The following KALRN variants were observed in gnomAD, a reference collection of about 807,000 sequenced individuals.
KALRN encodes kalirin RhoGEF kinase, also known as kalirin.
Under a neutral mutation model 353.7 loss-of-function variants are expected in KALRN, and 70 were observed. The observed-to-expected ratio is 0.20, with a 90% confidence interval of 0.16 to 0.24. The LOEUF (loss-of-function observed/expected upper bound fraction) is 0.24. KALRN is among the 10% of genes least tolerant of loss of function. The pLI is 1.00. For synonymous variants in KALRN, 1,391 were observed against 1,434.8 expected (o/e 0.97, Z 0.69); for missense variants, 2,791 against 3,756.7 (o/e 0.74, Z 6.72).
At chr3:124,307,940 T>C (rs913833889) in intron 6 of KALRN, among the ~76,000 whole-genome samples, 4 of 151,896 alleles carry the variant, frequency 2.6e-5, no homozygotes, top group South Asian at 2.1e-4. Context: ...TTCAAAGATA[T>C]AAATAGATGG....
intron 33 of KALRN, among the ~76,000 whole-genome samples, chr3:124,560,632 C>A (rs549450087): frequency 6.6e-6 from 1 of 152,098 alleles, no homozygotes; most frequent in Non-Finnish European, 1.5e-5. Flanking sequence ...GAGACTGAAG[C>A]GGGAGGATCA....
intron 12 of KALRN, among the ~76,000 whole-genome samples, chr3:124,397,453 T>A (rs901148651): frequency 6.6e-6 from 1 of 152,206 alleles, no homozygotes; most frequent in African/African-American, 2.4e-5. Context: ...GAACATGGCT[T>A]TCAGAAAGCC....
At chr3:124,053,765 A>T (rs114747116) in intron 1 of KALRN, among the ~76,000 whole-genome samples, 1 of 152,214 alleles carries the variant, frequency 6.6e-6, no homozygotes, top group Non-Finnish European at 1.5e-5. Flanking sequence ...ATATGAATGT[A>T]TGTGCTCCTT....
chr3:124,588,122 G>T (rs1390464039), intron 34 of KALRN, among the ~76,000 whole-genome samples: 1 of 152,144 alleles, frequency 6.6e-6, no homozygotes, highest in East Asian at 1.9e-4. Context: ...ATAGATATCG[G>T]GTAAGAAGGA....
intron 58 of KALRN, among the ~76,000 whole-genome samples, chr3:124,715,092 AATAG>A (rs1307383101): frequency 2.0e-5 from 3 of 152,180 alleles, no homozygotes; most frequent in Non-Finnish European, 4.4e-5. Context: ...GAGGAAGACC[AATAG>A]ATAGATAAAT....
At chr3:124,445,950 G>C (rs1460728961) in intron 19 of KALRN, among the ~76,000 whole-genome samples, 1 of 152,208 alleles carries the variant, frequency 6.6e-6, no homozygotes, top group Non-Finnish European at 1.5e-5. Flanking sequence ...TCATCAATGG[G>C]CTCTCCCCCT....
chr3:124,184,999 A>G (rs1409749023), intron 1 of KALRN, among the ~76,000 whole-genome samples: 2 of 152,058 alleles, frequency 1.3e-5, no homozygotes, highest in Non-Finnish European at 2.9e-5. Context: ...TTCCCCATTT[A>G]TGGAGGTTTG....
At chr3:124,328,730 C>G (rs112187421) in intron 7 of KALRN, among the ~76,000 whole-genome samples, 1 of 152,184 alleles carries the variant, frequency 6.6e-6, no homozygotes, top group Non-Finnish European at 1.5e-5. Flanking sequence ...AGAACGCAAA[C>G]GGTTGCTGTA....
intron 1 of KALRN, among the ~76,000 whole-genome samples, chr3:124,147,179 C>T (rs1157250381): frequency 2.0e-5 from 3 of 152,162 alleles, no homozygotes; most frequent in Admixed American, 2.0e-4. Flanking sequence ...GTGTGTTGGA[C>T]TCCAAAGCCT....
intron 1 of KALRN, among the ~76,000 whole-genome samples, chr3:124,064,075 G>A (rs935959798): frequency 1.3e-5 from 2 of 152,124 alleles, no homozygotes; most frequent in Non-Finnish European, 2.9e-5. Flanking sequence ...GGTTTGATAG[G>A]CCCCATGTTA....
chr3:124,462,092 C>T (rs1385193002), intron 24 of KALRN, 136 bp downstream of exon 24: 2 of 674,028 alleles, frequency 3.0e-6, no homozygotes, highest in Non-Finnish European at 2.6e-6. Flanking sequence ...AAGAGGAAAT[C>T]TTTCTCCTAA....
chr3:124,619,398 A>G (rs780753084), intron 34 of KALRN, among the ~76,000 whole-genome samples: 1 of 151,370 alleles, frequency 6.6e-6, no homozygotes, highest in Non-Finnish European at 1.5e-5. Context: ...AGATATCTCT[A>G]TGAGGTAGTA....
At position 124,719,356 on chromosome 3, in the gene KALRN, C is replaced by T. The variant is rs1177493068; in HGVS notation, c.8847C>T (p.Pro2949=). The part of the protein sequence containing the change: ...QPHNGSYSKI[P]LDTSRLACFI... ...ATAATGGCAGCTACTCTAAGATCCCCCTGGACACCTCCCGCCTAGCATGCT... is the reference window on the plus strand; with the variant it reads ...ATAATGGCAGCTACTCTAAGATCCCTCTGGACACCTCCCGCCTAGCATGCT... Residue 2949 remains proline (P), a synonymous_variant, in exon 60 of 60, where the codon CCC becomes CCT. Transcript: ENST00000682506. This position sits in a 1 kb window ranked among gnomAD's most constrained non-coding sequence, Gnocchi z 5.3. The T allele has an allele frequency of 6.2e-7, 1 of 1,614,180 alleles. No homozygotes were observed. Among genetic ancestry groups the T allele is most frequent in the East Asian group, 2.2e-5 (1 of 44,880 alleles).
rs1401898609 is a variant in KALRN, at chr3:124,319,877, G to A, written c.1093-6103G>A. ...GGCATGGTGACATGCGCCTGTAATC[G>A]CAGCTACTCAGGAGGCTGAGGCAGG... On this transcript the variant is annotated intron_variant, in intron 6 of 59. Coordinates refer to ENST00000682506, the MANE Select transcript of KALRN (RefSeq NM_001388419.1). Among the ~76,000 whole-genome samples, 43 of 151,786 alleles carry A rather than the reference G, an allele frequency of 2.8e-4. 1 individual carries two copies. The highest frequency in any genetic ancestry group is 2.6e-3 in the Admixed American group (39 of 15,236).
intron 58 of KALRN, among the ~76,000 whole-genome samples, chr3:124,713,958 T>A (rs970471412): frequency 6.6e-6 from 1 of 152,132 alleles, no homozygotes; most frequent in African/African-American, 2.4e-5. Flanking sequence ...TGCGTGCTTG[T>A]TAGTCTAGGT....
In KALRN at chr3:124,672,810, G is replaced by A. The variant is rs992989881; in HGVS notation, c.6942+912G>A. Among the ~76,000 whole-genome samples, 7 of 152,260 alleles carry A rather than the reference G, an allele frequency of 4.6e-5. No individual in the cohort carries two copies. The East Asian group carries it at 5.8e-4, about 13-fold the overall frequency. On this transcript the variant is annotated intron_variant, in intron 48 of 59. Coordinates refer to ENST00000682506, the MANE Select transcript of KALRN (RefSeq NM_001388419.1). ...ACTCACTTGCTTTAGAACCTTAGCC[G>A]AGTTAGTTAACCTCATTAGGCCTCA...
rs753171260 is a variant in KALRN, at chr3:124,678,243, A to C, written c.7247A>C (p.Asn2416Thr). 7 of 1,614,042 alleles carry C rather than the reference A, an allele frequency of 4.3e-6. No individual in the cohort carries two copies. The highest frequency in any genetic ancestry group is 5.9e-6 in the Non-Finnish European group (7 of 1,179,996). ...ATGAGAAAGCGGGCGGAAGTGGAGA[A>C]CACGGGTAAAAATGAAGCCACAGGG... ...LRMRKRAEVE[N>T]TGKNEATGPR... Residue 2416 changes from asparagine (N) to threonine (T), a missense_variant, in exon 50 of 60, where the codon AAC becomes ACC. By Grantham distance (65) the Asn-to-Thr change is moderately conservative. Coordinates refer to ENST00000682506, the MANE Select transcript of KALRN (RefSeq NM_001388419.1).
At chr3:124,186,995 C>T (rs895297692) in intron 1 of KALRN, among the ~76,000 whole-genome samples, 1 of 152,142 alleles carries the variant, frequency 6.6e-6, no homozygotes. Flanking sequence ...CAGCATTGCT[C>T]AGAGCTCACC....
At chr3:124,669,542 T>C (rs537037015) in intron 47 of KALRN, among the ~76,000 whole-genome samples, 1 of 152,388 alleles carries the variant, frequency 6.6e-6, no homozygotes, top group African/African-American at 2.4e-5. Context: ...AATTGATTCA[T>C]AAAATCAGTT....
Sources: allele counts gnomAD v4.1 joint callset (sites outside exome capture counted in the v4.1 genomes callset), GRCh38; gene constraint gnomAD v4.1.1; non-coding constraint Gnocchi (gnomAD v3.1); transcripts MANE v1.5; gene names NCBI Gene and HGNC (gene_info 2026-07-23, HGNC 2026-07-21).